Variants in EFCAB7 observed in about 807,000 individuals in gnomAD.
EFCAB7 encodes EF-hand calcium binding domain 7.
In EFCAB7, 66 loss-of-function variants were observed where a neutral mutation model predicts 77.1. The ratio of observed to expected loss-of-function variants is 0.86; its 90% confidence interval spans 0.70 to 1.05. EFCAB7 has a LOEUF of 1.05. Among genes scored for constraint, EFCAB7 ranks in the 50% least tolerant of loss-of-function variants. EFCAB7 has a pLI of 0.00. For missense variants in EFCAB7, 638 were observed against 730.5 expected, an observed-to-expected ratio of 0.87 and a Z score of 1.46; for synonymous variants, 225 against 243.3, an observed-to-expected ratio of 0.92 and a Z score of 0.70.
the EFCAB7 span, among the ~76,000 whole-genome samples, chr1:63,582,746 G>A: frequency 1.1e-4 from 17 of 152,120 alleles, no homozygotes; most frequent in East Asian, 3.1e-3. Flanking sequence ...CTGGGACTAC[G>A]GGTGTATGCC....
downstream of EFCAB7, among the ~76,000 whole-genome samples, chr1:63,576,142 G>A (rs928894034): frequency 5.3e-5 from 8 of 152,152 alleles, no homozygotes; most frequent in African/African-American, 1.9e-4. Flanking sequence ...GATTCATGTG[G>A]TGAGGTAATG....
At chr1:63,549,527 A>G (rs1162301220) in intron 7 of EFCAB7, 1 of 456,806 alleles carries the variant, frequency 2.2e-6, no homozygotes, top group Admixed American at 2.6e-5. Flanking sequence ...AAAAAGTTTT[A>G]TTTAAAGTGT....
chr1:63,577,006 G>A (rs1246683456), downstream of EFCAB7, among the ~76,000 whole-genome samples: 1 of 151,646 alleles, frequency 6.6e-6, no homozygotes, highest in African/African-American at 2.4e-5. Context: ...AATCAGCCAG[G>A]TGTGGTGGTG....
At chr1:63,527,607 G>A (rs956856624) in intron 2 of EFCAB7, among the ~76,000 whole-genome samples, 1 of 152,066 alleles carries the variant, frequency 6.6e-6, no homozygotes, top group African/African-American at 2.4e-5. Flanking sequence ...AATATCTACA[G>A]CTACGTGATA....
chr1:63,546,141 G>A (rs908188877), intron 7 of EFCAB7, 84 bp downstream of exon 7: 18 of 1,412,824 alleles, frequency 1.3e-5, no homozygotes, highest in Middle Eastern at 2.3e-4. Flanking sequence ...CATAGTCCTA[G>A]TTAGGGAAGA....
the EFCAB7 span, among the ~76,000 whole-genome samples, chr1:63,578,737 G>A: frequency 4.6e-5 from 7 of 151,102 alleles, no homozygotes; most frequent in Non-Finnish European, 3.0e-5. Context: ...CACTGCGCCC[G>A]GCCTCACAAG....
chr1:63,562,472 T>C (rs1198224270), intron 11 of EFCAB7, among the ~76,000 whole-genome samples: 1 of 81,198 alleles, frequency 1.2e-5, no homozygotes, highest in Non-Finnish European at 2.4e-5. Flanking sequence ...TATATATATA[T>C]ATATATATAT....
rs1470723553 is a variant in EFCAB7 at position 63,532,694 on chromosome 1, G to T, written c.424G>T (p.Glu142Ter). 1 of 1,601,226 alleles carries T rather than the reference G, an allele frequency of 6.2e-7. No individual in the cohort carries two copies. The highest frequency in any genetic ancestry group is 8.5e-7 in the Non-Finnish European group (1 of 1,175,364). ...GAGAGGTGAGAAGATGACTCGAGAAGAAGTAAATGCCATAATAAATTTGGC... is the reference window on the plus strand; with the variant it reads ...GAGAGGTGAGAAGATGACTCGAGAATAAGTAAATGCCATAATAAATTTGGC... ...TKRGEKMTRE[E>*]VNAIINLADV... The change falls in exon 4 of 14, where the codon GAA becomes TAA. Residue 142 changes from glutamate (E) to a stop codon, truncating the protein, a stop_gained. Coordinates refer to ENST00000371088, the MANE Select transcript of EFCAB7 (RefSeq NM_032437.4). LOFTEE classifies it high-confidence loss of function.
chr1:63,574,189 C>A (rs960543054), downstream of EFCAB7, among the ~76,000 whole-genome samples: 1 of 151,522 alleles, frequency 6.6e-6, no homozygotes, highest in Non-Finnish European at 1.5e-5. Flanking sequence ...AGGGAGGGGG[C>A]CTGAACAATC....
chr1:63,577,116 G>A (rs1311449830), downstream of EFCAB7, among the ~76,000 whole-genome samples: 1 of 151,264 alleles, frequency 6.6e-6, no homozygotes, highest in African/African-American at 2.4e-5. Context: ...ACTGACTCCA[G>A]CCTGGGTGAC....
In EFCAB7 at chr1:63,533,568, C is replaced by CTTT; in HGVS notation, c.601_602insTTT (p.Pro201delinsLeuSer). On this transcript the variant is annotated protein_altering_variant, in exon 5 of 14. Coordinates refer to ENST00000371088, the MANE Select transcript of EFCAB7 (RefSeq NM_032437.4). ...GTTTGGAAACCACATCGAAGGGTCCCCTGAAAGGGACCCATCACCAGTACC... is the reference window on the plus strand; with the variant it reads ...GTTTGGAAACCACATCGAAGGGTCCCTTTCTGAAAGGGACCCATCACCAGTACC... 6.2e-7 allele frequency: 1 copy of CTTT among 1,612,670 alleles called. No homozygotes were observed. Among genetic ancestry groups the CTTT allele is most frequent in the Non-Finnish European group, 8.5e-7 (1 of 1,179,388 alleles).
At chr1:63,546,922 A>G (rs937689153) in intron 7 of EFCAB7, among the ~76,000 whole-genome samples, 2 of 152,232 alleles carry the variant, frequency 1.3e-5, no homozygotes, top group East Asian at 3.8e-4. Flanking sequence ...AAGCAATGAA[A>G]GATATCTATC....
chr1:63,551,834 A>G lies in EFCAB7; in HGVS notation c.1056A>G (p.Glu352=). Residue 352 remains glutamate, a splice_region_variant and synonymous_variant, in exon 8 of 14, where the codon GAA becomes GAG. Coordinates refer to ENST00000371088, the MANE Select transcript of EFCAB7 (RefSeq NM_032437.4). The part of the protein sequence containing the change: ...LVCFTELRNR[E]VFGWTGELGP... ...GTTTTACCGAACTACGAAATAGAGA[A>G]GTATACATATTTATTTTCTAATGTT... 3 of 1,542,862 alleles carry G rather than the reference A, an allele frequency of 1.9e-6. No homozygotes were observed. Among genetic ancestry groups the G allele is most frequent in the Non-Finnish European group, 2.6e-6 (3 of 1,140,666 alleles).
rs374546660 is a variant in EFCAB7 at position 63,568,181 on chromosome 1, A to C, written c.1498-129A>C. 4 of 757,356 alleles carry C rather than the reference A, an allele frequency of 5.3e-6. No homozygotes were observed. The East Asian group carries it at 1.2e-4, about 23-fold the overall frequency. The allele number at this position is 757,356 out of a possible 1,614,324, so 46.9% of individuals were successfully genotyped here. A position where few individuals can be genotyped will look rare whatever the true frequency, so the allele number is the denominator to read the frequency against. On this transcript the variant is annotated intron_variant, in intron 11 of 13. Transcript: ENST00000371088. The stretch of plus-strand genomic sequence containing the variant: ...CTTATTACTCAATTCATAGTACTAA[A>C]ATTTTCCTCTAAAAGTTTATTAGAA...
intron 6 of EFCAB7, among the ~76,000 whole-genome samples, chr1:63,538,741 G>T (rs72679082): frequency 0.19 from 28,608 of 152,142 alleles, 3,420 homozygotes; most frequent in Non-Finnish European, 0.27. Flanking sequence ...GTGAGCCACC[G>T]CACCCAGCCT....
chr1:63,527,016 C>T (rs944296400), intron 2 of EFCAB7, among the ~76,000 whole-genome samples: 21 of 152,210 alleles, frequency 1.4e-4, no homozygotes, highest in African/African-American at 2.7e-4. Context: ...CTGCCTGCCT[C>T]GGCCTCCCAA....
At chr1:63,561,895 T>G (rs1293167677) in intron 11 of EFCAB7, 38 bp downstream of exon 11, 3 of 1,426,082 alleles carry the variant, frequency 2.1e-6, no homozygotes, top group Non-Finnish European at 2.8e-6. Context: ...GGGTTTAATG[T>G]ACATAATATT....
intron 11 of EFCAB7, among the ~76,000 whole-genome samples, chr1:63,565,112 T>A (rs1443260119): frequency 6.6e-6 from 1 of 152,144 alleles, no homozygotes; most frequent in African/African-American, 2.4e-5. Flanking sequence ...TTTGGGAGGC[T>A]GAGGCGGGTG....
chr1:63,562,911 C>A (rs1008001252), intron 11 of EFCAB7, among the ~76,000 whole-genome samples: 1 of 152,074 alleles, frequency 6.6e-6, no homozygotes, highest in African/African-American at 2.4e-5. Context: ...TACATTTAGA[C>A]TTTGGTTTAA....
Sources: gnomAD v4.1 joint callset for allele counts (sites outside exome capture counted in the v4.1 genomes callset) on GRCh38, gnomAD v4.1.1 for gene constraint, MANE v1.5 for transcripts, NCBI Gene and HGNC (gene_info 2026-07-23, HGNC 2026-07-21) for gene names.